Variants in ARHGAP27 observed in about 807,000 individuals in gnomAD.
The protein encoded by ARHGAP27 is Rho GTPase activating protein 27.
ARHGAP27 carries 53 observed loss-of-function variants against 102.0 expected under a neutral mutation model. That is an observed-to-expected ratio of 0.52 (90% CI 0.42 to 0.65). ARHGAP27 has a LOEUF of 0.65. Among genes scored for constraint, ARHGAP27 ranks in the 30% least tolerant of loss-of-function variants. The pLI is 0.00. For missense variants in ARHGAP27, 1,117 were observed against 1,256.2 expected, an observed-to-expected ratio of 0.89 and a Z score of 1.68; for synonymous variants, 525 against 542.8, an observed-to-expected ratio of 0.97 and a Z score of 0.46.
intron 4 of ARHGAP27, among the ~76,000 whole-genome samples, chr17:45,417,082 G>T (rs1351635381): frequency 1.3e-5 from 2 of 151,262 alleles, no homozygotes; most frequent in East Asian, 4.0e-4. Context: ...CTTGAACCCA[G>T]GAGGCGGAGG....
chr17:45,404,989 C>G lies in ARHGAP27; in HGVS notation c.1183G>C (p.Gly395Arg), dbSNP rs767343491. ...TCCTGGCTGACATGACAAGACCAGC[C>G]GGGGGGTGTGGTCAAGGGAGAGGTA... ...GPTSPLTTPP[G>R]WSCHVSQDKQ... The change falls in exon 6 of 20, where the codon GGC becomes CGC. Residue 395 changes from glycine to arginine, a missense_variant. By Grantham distance (125) the Gly-to-Arg change is moderately radical. This residue lies in a region of ARHGAP27 where 610 missense variants were observed against 716.4 expected (regional missense o/e 0.85). Coordinates refer to ENST00000685559, the MANE Select transcript of ARHGAP27 (RefSeq NM_001282290.2). 1.2e-6 allele frequency: 2 copies of G among 1,613,764 alleles called. No individual in the cohort carries two copies. Among genetic ancestry groups the G allele is most frequent in the Non-Finnish European group, 8.5e-7 (1 of 1,179,930 alleles).
intron 12 of ARHGAP27, among the ~76,000 whole-genome samples, chr17:45,398,733 CA>C (rs5820577): frequency 0.53 from 73,397 of 137,942 alleles, 18,449 homozygotes; most frequent in Middle Eastern, 0.67. Context: ...GACTCCGTCT[CA>C]AAAAAAAAAA....
At chr17:45,421,634 A>G (rs904360448) in intron 4 of ARHGAP27, among the ~76,000 whole-genome samples, 3 of 152,218 alleles carry the variant, frequency 2.0e-5, no homozygotes, top group African/African-American at 4.8e-5. Flanking sequence ...GTGCTAAAGA[A>G]TATGTGTTTG....
In ARHGAP27 at chr17:45,410,336, G is replaced by A. The variant is rs773771253; in HGVS notation, c.658-4253C>T. 1.3e-5 allele frequency: 19 copies of A among 1,460,712 alleles called. No individual in the cohort carries two copies. The South Asian group carries it at 2.5e-4, about 20-fold the overall frequency. 90.5% of individuals were successfully genotyped at this position (1,460,712 alleles called of 1,614,324 possible). On this transcript the variant is annotated intron_variant, in intron 4 of 19. Coordinates refer to ENST00000685559, the MANE Select transcript of ARHGAP27 (RefSeq NM_001282290.2). ...GACAGAGCCCTGGGAAGGTTTTGGG[G>A]GTAGAGCCCAGGGGCACTACCCCAG...
At position 45,405,924 on chromosome 17, in the gene ARHGAP27, T is replaced by C. The variant is rs1381017711; in HGVS notation, c.817A>G (p.Thr273Ala). ...PYYYNPDTGV[T>A]TWESPFEAAE... ...GCCTCAAAGGGCGACTCCCAGGTGG[T>C]AACTCCCGTGTCTGGGTTGTAGTAG... The change falls in exon 5 of 20, where the codon ACC becomes GCC. Residue 273 changes from threonine to alanine, a missense_variant. This residue lies in a region of ARHGAP27 where 610 missense variants were observed against 716.4 expected (regional missense o/e 0.85). Transcript: ENST00000685559. 9.1e-6 allele frequency: 14 copies of C among 1,535,812 alleles called. No individual in the cohort carries two copies. Among genetic ancestry groups the C allele is most frequent in the Non-Finnish European group, 1.2e-5 (14 of 1,146,800 alleles).
chr17:45,396,322 TG>T, intron 16 of ARHGAP27, 38 bp from the exon 17 acceptor site: 1 of 1,579,840 alleles, frequency 6.3e-7, no homozygotes, highest in Non-Finnish European at 8.6e-7. Flanking sequence ...GGTTCAGGGA[TG>T]GGGATAGGGT....
chr17:45,415,183 A>G (rs569947896), intron 4 of ARHGAP27, among the ~76,000 whole-genome samples: 5 of 152,122 alleles, frequency 3.3e-5, no homozygotes, highest in Admixed American at 3.3e-4. Flanking sequence ...TCACTTAGAC[A>G]ATCAGCCCAC....
chr17:45,396,927 C>A lies in ARHGAP27; in HGVS notation c.1940G>T (p.Arg647Leu), dbSNP rs372242163. 6.2e-7 allele frequency: 1 copy of A among 1,606,364 alleles called. No individual in the cohort carries two copies. Among genetic ancestry groups the A allele is most frequent in the Non-Finnish European group, 8.5e-7 (1 of 1,179,970 alleles). ...GSWQEKEEDA[R>L]PNAAAPALGP... is the part of the protein sequence containing the mutation. ...TGCCTTGCGCACACCTGCATTCGGTCGCGCGTCCTCCTCTTTCTCCTGCCA... is the reference window on the plus strand; with the variant it reads ...TGCCTTGCGCACACCTGCATTCGGTAGCGCGTCCTCCTCTTTCTCCTGCCA... The change falls in exon 14 of 20, where the codon CGA becomes CTA. Residue 647 changes from arginine (R) to leucine (L), a missense_variant. Transcript: ENST00000685559.
chr17:45,420,037 G>C (rs1474386405), intron 4 of ARHGAP27, among the ~76,000 whole-genome samples: 1 of 152,138 alleles, frequency 6.6e-6, no homozygotes, highest in African/African-American at 2.4e-5. Flanking sequence ...TATGCCTCAT[G>C]GGACATACTC....
chr17:45,430,284 G>T lies in ARHGAP27; in HGVS notation c.-5C>A. On this transcript the variant is annotated 5_prime_UTR_variant, in exon 4 of 20. In the 5' UTR this introduces an upstream ATG that the reference lacks. Coordinates refer to ENST00000685559, the MANE Select transcript of ARHGAP27 (RefSeq NM_001282290.2). The surrounding 1 kb of genome is among the most constrained non-coding windows in gnomAD (Gnocchi z 4.4). The stretch of plus-strand genomic sequence containing the variant: ...CCCCACCACGTCCGCCGCCATCGCA[G>T]CCGCGGCGTTTTCCTGCGGGCAACA... 1 of 1,565,052 alleles carries T rather than the reference G, an allele frequency of 6.4e-7. No homozygotes were observed. The highest frequency in any genetic ancestry group is 8.6e-7 in the Non-Finnish European group (1 of 1,163,910).
At chr17:45,404,382 C>G in intron 8 of ARHGAP27, 48 bp from the exon 9 acceptor site, 2 of 1,613,688 alleles carry the variant, frequency 1.2e-6, no homozygotes, top group Non-Finnish European at 1.7e-6. Flanking sequence ...CTCCCAGGAA[C>G]TCCAGAAGCC....
chr17:45,406,117 C>T (rs2047139397), intron 4 of ARHGAP27, 34 bp from the exon 5 acceptor site: 1 of 1,483,088 alleles, frequency 6.7e-7, no homozygotes, highest in African/African-American at 1.4e-5. Context: ...TTTGTGTTTT[C>T]AGAAACCTTC....
rs769835228 is a variant in ARHGAP27, at chr17:45,430,239, T to A, written c.41A>T (p.Glu14Val). Residue 14 changes from glutamate (E) to valine (V), a missense_variant, in exon 4 of 20, where the codon GAG becomes GTG. By Grantham distance (121) the Glu-to-Val change is moderately radical (BLOSUM62 -2). Around this residue, in one of 3 missense-constraint regions of ARHGAP27, gnomAD observed 610 missense variants for 716.4 expected, o/e 0.85. Coordinates refer to ENST00000685559, the MANE Select transcript of ARHGAP27 (RefSeq NM_001282290.2). The surrounding 1 kb of genome is among the most constrained non-coding windows in gnomAD (Gnocchi z 4.4). ...CTTGCCGGTGTACTCGAAGGGGTGCTCCACCAGCACGTACACGTCCCCCAC... is the reference window on the plus strand; with the variant it reads ...CTTGCCGGTGTACTCGAAGGGGTGCACCACCAGCACGTACACGTCCCCCAC... ...DVVGDVYVLV[E>V]HPFEYTGKDG... 1.9e-6 allele frequency: 3 copies of A among 1,576,316 alleles called. No individual in the cohort carries two copies. Among genetic ancestry groups the A allele is most frequent in the South Asian group, 2.3e-5 (2 of 87,746 alleles).
In ARHGAP27 at chr17:45,396,605, G is replaced by A; in HGVS notation, c.2075-20C>T. ...CCTGGTCTAGGGCAGAGGCTCATCAGCTCCTGCCCAGCCTGCGCCCCGTCC... is the reference window on the plus strand; with the variant it reads ...CCTGGTCTAGGGCAGAGGCTCATCAACTCCTGCCCAGCCTGCGCCCCGTCC... On this transcript the variant is annotated intron_variant, in intron 15 of 19. Coordinates refer to ENST00000685559, the MANE Select transcript of ARHGAP27 (RefSeq NM_001282290.2). 6.2e-7 allele frequency: 1 copy of A among 1,609,884 alleles called. No individual in the cohort carries two copies. Among genetic ancestry groups the A allele is most frequent in the Non-Finnish European group, 8.5e-7 (1 of 1,178,086 alleles).
chr17:45,424,468 C>T (rs1323663445), intron 4 of ARHGAP27, among the ~76,000 whole-genome samples: 2 of 152,192 alleles, frequency 1.3e-5, no homozygotes, highest in Non-Finnish European at 2.9e-5. Context: ...GCCCTGGTCA[C>T]GATCATGGAC....
Position 45,396,280 on chromosome 17 carries a change from C to A in ARHGAP27, c.2178G>T (p.Leu726=). ...TGATGCGGTACAGCCCGTCGATGTC[C>A]AGCCCTGGGCCAGAGGGAGGCGCTG... ...QCIRAVEARG[L]DIDGLYRISG... is the part of the protein sequence containing the mutation. The change falls in exon 17 of 20, where the codon CTG becomes CTT. Residue 726 remains leucine (L), a synonymous_variant. Transcript: ENST00000685559. 2 of 1,611,438 alleles carry A rather than the reference C, an allele frequency of 1.2e-6. No individual in the cohort carries two copies. Among genetic ancestry groups the A allele is most frequent in the Non-Finnish European group, 8.5e-7 (1 of 1,178,984 alleles).
chr17:45,405,495 C>A (rs2047040289), intron 5 of ARHGAP27, among the ~76,000 whole-genome samples, 181 bp downstream of exon 5: 1 of 152,014 alleles, frequency 6.6e-6, no homozygotes, highest in Admixed American at 6.5e-5. Context: ...CACTCCAGCC[C>A]CGCCCTTCAC....
chr17:45,424,128 C>A (rs1429051215), intron 4 of ARHGAP27, among the ~76,000 whole-genome samples: 1 of 152,180 alleles, frequency 6.6e-6, no homozygotes, highest in Non-Finnish European at 1.5e-5. Context: ...TCACAGGGGA[C>A]CCCCAGCCAG....
At chr17:45,431,444 C>A (rs981426974) in intron 3 of ARHGAP27, among the ~76,000 whole-genome samples, 177 bp downstream of exon 3, 2 of 152,266 alleles carry the variant, frequency 1.3e-5, no homozygotes, top group African/African-American at 4.8e-5. Flanking sequence ...GGGGCCCCAG[C>A]AGGGCTCCTC....
Sources: allele counts gnomAD v4.1 joint callset (sites outside exome capture counted in the v4.1 genomes callset), GRCh38; gene constraint gnomAD v4.1.1; regional missense constraint gnomAD v4.1.1; non-coding constraint Gnocchi (gnomAD v3.1); transcripts MANE v1.5; gene names NCBI Gene and HGNC (gene_info 2026-07-23, HGNC 2026-07-21).